RXRG: variants seen among roughly 807,000 people sequenced by gnomAD.
RXRG encodes the protein retinoid X receptor gamma.
RXRG carries 19 observed loss-of-function variants against 49.2 expected under a neutral mutation model. The ratio of observed to expected loss-of-function variants is 0.39; its 90% CI spans 0.27 to 0.57. The LOEUF is 0.57. Ranked by LOEUF, RXRG falls within the 20% of genes least tolerant of loss-of-function variation. The probability of loss-of-function intolerance (pLI) is 0.64; values close to 1 mark genes in which losing one functional copy is unlikely to be tolerated. For missense variants in RXRG, 452 were observed against 592.5 expected (o/e 0.76, Z 2.46); for synonymous variants, 224 against 216.6 (o/e 1.03, Z -0.30).
chr1:165,444,785 C>G lies in RXRG; in HGVS notation c.49+60G>C. 2.1e-6 allele frequency: 3 copies of G among 1,418,554 alleles called. No homozygotes were observed. The South Asian group carries it at 3.5e-5, about 16-fold the overall frequency. 87.9% of individuals were successfully genotyped at this position (1,418,554 alleles called of 1,614,324 possible). A position where few individuals can be genotyped will look rare whatever the true frequency, so the allele number is the denominator to read the frequency against. ...ATACTAATCCAGTCATTCGTATTTCCCAATTTCTTCTCAGTCTCTCATACA... is the reference window on the plus strand; with the variant it reads ...ATACTAATCCAGTCATTCGTATTTCGCAATTTCTTCTCAGTCTCTCATACA... On this transcript the variant is annotated intron_variant, in intron 1 of 9. Transcript: ENST00000359842.
Position 165,417,189 on chromosome 1 carries a change from G to A in RXRG, c.474C>T (p.Gly158=), listed in dbSNP as rs1246150145. Residue 158 remains glycine, a synonymous_variant, in exon 4 of 10, where the codon GGC becomes GGT. Transcript: ENST00000359842. ...TCGTCCTCTTGAAGAACCCTTTGCA[G>A]CCTTCACAACTGTATACCCCGTAGT... ...GKHYGVYSCE[G]CKGFFKRTIR... is the part of the protein sequence containing the mutation. 3.1e-6 allele frequency: 5 copies of A among 1,613,900 alleles called. No individual in the cohort carries two copies. Among genetic ancestry groups the A allele is most frequent in the African/African-American group, 1.3e-5 (1 of 74,928 alleles).
chr1:165,429,350 T>A (rs1571283349), intron 1 of RXRG, among the ~76,000 whole-genome samples: 1 of 150,904 alleles, frequency 6.6e-6, no homozygotes, highest in Non-Finnish European at 1.5e-5. Context: ...ATGGGGAGAG[T>A]GAGTAGGTTC....
At chr1:165,406,721 C>T (rs563446045) in intron 9 of RXRG, 91 bp downstream of exon 9, 1 of 920,660 alleles carries the variant, frequency 1.1e-6, no homozygotes, top group South Asian at 1.4e-5. Context: ...TTAAAAACAC[C>T]TAAACAGTGC....
Position 165,435,184 on chromosome 1 carries a change from AAAG to A in RXRG, c.50-6221_50-6219del, listed in dbSNP as rs757746955. On this transcript the variant is annotated intron_variant, in intron 1 of 9. Coordinates refer to ENST00000359842, the MANE Select transcript of RXRG (RefSeq NM_006917.5). ...ACATAATGTAAACATCACAAAATCA[AAAG>A]AAGATTCAAAATCTGAAATATCTTG... 5.2e-4 allele frequency among the ~76,000 whole-genome samples: 79 copies of A among 152,202 alleles called. 1 individual carries two copies. The highest frequency in any genetic ancestry group is 9.8e-4 in the Non-Finnish European group (67 of 68,042).
At chr1:165,407,999 G>A (rs1255290928) in intron 8 of RXRG, among the ~76,000 whole-genome samples, 1 of 152,012 alleles carries the variant, frequency 6.6e-6, no homozygotes, top group African/African-American at 2.4e-5. Flanking sequence ...CTGCCACCCT[G>A]GGCCACCGTC....
intron 2 of RXRG, among the ~76,000 whole-genome samples, chr1:165,427,485 A>G (rs1557921686): frequency 6.6e-6 from 1 of 152,080 alleles, no homozygotes; most frequent in Non-Finnish European, 1.5e-5. Flanking sequence ...CCCAAGCTGG[A>G]GTGCAGTGGC....
chr1:165,416,970 G>A (rs1016426439), intron 4 of RXRG, 71 bp downstream of exon 4: 5 of 1,426,270 alleles, frequency 3.5e-6, no homozygotes, highest in East Asian at 2.3e-5. Flanking sequence ...CTCGTGTATT[G>A]CAGTTGAATG....
chr1:165,424,803 C>T (rs1658430636), intron 2 of RXRG: 1 of 985,508 alleles, frequency 1.0e-6, no homozygotes, highest in African/African-American at 1.7e-5. Flanking sequence ...CCCTCTCAGA[C>T]CAGTCCTGGG....
chr1:165,426,306 G>A (rs1658484626), intron 2 of RXRG, among the ~76,000 whole-genome samples: 1 of 152,236 alleles, frequency 6.6e-6, no homozygotes, highest in East Asian at 1.9e-4. Context: ...TATTTGGCCT[G>A]AGGAATGCTT....
rs1156270993 is a variant in RXRG at position 165,421,364 on chromosome 1, C to G, written c.298-1350G>C. On this transcript the variant is annotated intron_variant, in intron 2 of 9. Transcript: ENST00000359842. The stretch of plus-strand genomic sequence containing the variant: ...TTCCAGCACCACCCCTTTTTTTATA[C>G]AAGGCTATGAGAAGACATGTGGAAC... Among the ~76,000 whole-genome samples the G allele has an allele frequency of 4.6e-5, 7 of 151,894 alleles. No homozygotes were observed. The East Asian group carries it at 1.2e-3, about 25-fold the overall frequency.
intron 9 of RXRG, 81 bp downstream of exon 9, chr1:165,406,731 C>T (rs1657763215): frequency 7.1e-6 from 7 of 980,622 alleles, no homozygotes; most frequent in East Asian, 4.8e-5. Context: ...CTAAACAGTG[C>T]CTGCTGCACT....
chr1:165,407,263 C>T (rs536769350), intron 8 of RXRG, among the ~76,000 whole-genome samples: 1 of 152,194 alleles, frequency 6.6e-6, no homozygotes, highest in East Asian at 1.9e-4. Context: ...TAAGATGGGG[C>T]ACGAAAGCTG....
In RXRG at chr1:165,430,441, T is replaced by C. The variant is rs562704826; in HGVS notation, c.50-1475A>G. ...TGTCAGAAATATAACTGTGAAACTA[T>C]TCTTAAACGTAAATATTCCACTGGA... On this transcript the variant is annotated intron_variant, in intron 1 of 9. Coordinates refer to ENST00000359842, the MANE Select transcript of RXRG (RefSeq NM_006917.5). Among the ~76,000 whole-genome samples the C allele has an allele frequency of 5.9e-5, 9 of 152,352 alleles. No homozygotes were observed. The South Asian group carries it at 1.0e-3, about 18-fold the overall frequency.
At chr1:165,406,483 C>T (rs1657754326) in intron 9 of RXRG, among the ~76,000 whole-genome samples, 1 of 152,244 alleles carries the variant, frequency 6.6e-6, no homozygotes, top group Admixed American at 6.5e-5. Context: ...CAGCAAGTTA[C>T]TTACATTTCT....
In RXRG at chr1:165,418,163, T is replaced by C. The variant is rs541212932; in HGVS notation, c.443-943A>G. On this transcript the variant is annotated intron_variant, in intron 3 of 9. Coordinates refer to ENST00000359842, the MANE Select transcript of RXRG (RefSeq NM_006917.5). ...GAAGGTGATTTTGCTTAATCCAGAC[T>C]AATTTGTTGCATATTTCATTGCCCT... 2.1e-5 allele frequency among the ~76,000 whole-genome samples: 3 copies of C among 145,348 alleles called. No homozygotes were observed. In the East Asian group the frequency reaches 6.5e-4, roughly 31 times the overall value.
chr1:165,411,142 T>C, intron 4 of RXRG, 33 bp from the exon 5 acceptor site: 1 of 1,606,560 alleles, frequency 6.2e-7, no homozygotes, highest in Non-Finnish European at 8.5e-7. Flanking sequence ...GAGGTTACCA[T>C]AATGCCCAGG....
chr1:165,437,203 T>C (rs2101745116), intron 1 of RXRG: 2 of 1,367,664 alleles, frequency 1.5e-6, no homozygotes, highest in Non-Finnish European at 9.8e-7. Flanking sequence ...AAGAACACCC[T>C]AGACCAAGAA....
intron 2 of RXRG, among the ~76,000 whole-genome samples, chr1:165,421,248 G>A (rs1332132181): frequency 1.3e-5 from 2 of 152,158 alleles, no homozygotes; most frequent in Non-Finnish European, 2.9e-5. Context: ...ACAGCCTTTG[G>A]TGCTTTGTTT....
intron 1 of RXRG, among the ~76,000 whole-genome samples, chr1:165,431,211 G>A (rs1658661947): frequency 6.6e-6 from 1 of 152,176 alleles, no homozygotes; most frequent in African/African-American, 2.4e-5. Context: ...ATCAAGGACA[G>A]CAAAGATGAT....
Sources: gnomAD v4.1 joint callset for allele counts (sites outside exome capture counted in the v4.1 genomes callset) on GRCh38, gnomAD v4.1.1 for gene constraint, MANE v1.5 for transcripts, NCBI Gene and HGNC (gene_info 2026-07-23, HGNC 2026-07-21) for gene names.